Variants in KMT2E observed in about 807,000 individuals in gnomAD.
The protein encoded by KMT2E is lysine methyltransferase 2E (inactive).
KMT2E carries 30 observed loss-of-function variants against 184.6 expected under a neutral mutation model. The ratio of observed to expected loss-of-function variants is 0.16; its 90% confidence interval spans 0.12 to 0.22. The LOEUF (loss-of-function observed/expected upper bound fraction) is 0.22. Among genes scored for constraint, KMT2E ranks in the 10% least tolerant of loss-of-function variants. The probability of loss-of-function intolerance (pLI) is 1.00; values close to 1 mark genes in which losing one functional copy is unlikely to be tolerated. For missense variants in KMT2E, 2,023 were observed against 2,237.4 expected (o/e 0.90, Z 1.93); for synonymous variants, 815 against 776.5 (o/e 1.05, Z -0.82).
rs138718618 is a variant in KMT2E at position 105,075,990 on chromosome 7, T to A, written c.730-53T>A. On this transcript the variant is annotated intron_variant, in intron 8 of 26. Transcript: ENST00000311117. ...CAATGAACCAATTAATTCTTAAATATTAATTATGTCCAGTTTTTTAGGAAA... is the reference window on the plus strand; with the variant it reads ...CAATGAACCAATTAATTCTTAAATAATAATTATGTCCAGTTTTTTAGGAAA... The A allele has an allele frequency of 8.8e-6, 12 of 1,368,916 alleles. No homozygotes were observed. The Admixed American group carries it at 2.2e-4, about 25-fold the overall frequency. 84.8% of individuals were successfully genotyped at this position (1,368,916 alleles called of 1,614,324 possible). A position where few individuals can be genotyped will look rare whatever the true frequency, so the allele number is the denominator to read the frequency against.
At chr7:105,056,135 C>A (rs1562895944) in intron 3 of KMT2E, among the ~76,000 whole-genome samples, 1 of 152,100 alleles carries the variant, frequency 6.6e-6, no homozygotes, top group East Asian at 1.9e-4. Context: ...ATGTAGTCTC[C>A]AGGGGTCTCT....
At chr7:105,092,098 G>A (rs987094646) in intron 15 of KMT2E, among the ~76,000 whole-genome samples, 5 of 152,020 alleles carry the variant, frequency 3.3e-5, no homozygotes, top group African/African-American at 4.8e-5. Context: ...GGACTCTCAC[G>A]TCACATATTT....
At chr7:105,103,224 A>G (rs924499332) in intron 17 of KMT2E, 1 of 152,224 alleles carries the variant, frequency 6.6e-6, no homozygotes, top group Admixed American at 6.5e-5. Context: ...AACTTTTAAC[A>G]AAGTTGTGGT....
At position 105,063,754 on chromosome 7, in the gene KMT2E, T is replaced by C. The variant is rs544938222; in HGVS notation, c.416+174T>C. The C allele has an allele frequency of 8.8e-6, 5 of 569,028 alleles. No homozygotes were observed. The South Asian group carries it at 1.2e-4, about 13-fold the overall frequency. The allele number at this position is 569,028 out of a possible 1,614,324, so 35.2% of individuals were successfully genotyped here. ...CCTCCTATGTGAAAAAAGAGTTTAC[T>C]AGAAATCCCTGTTGTTAACTGAGTA... On this transcript the variant is annotated intron_variant, in intron 5 of 26. Coordinates refer to ENST00000311117, the MANE Select transcript of KMT2E (RefSeq NM_182931.3).
At chr7:105,079,089 C>T (rs1444659173) in intron 12 of KMT2E, 126 bp downstream of exon 12, 19 of 544,344 alleles carry the variant, frequency 3.5e-5, no homozygotes, top group African/African-American at 5.8e-5. Context: ...TTTATACTGC[C>T]CAGCCTGTTT....
At chr7:105,059,408 A>G (rs1472026321) in intron 3 of KMT2E, among the ~76,000 whole-genome samples, 1 of 152,232 alleles carries the variant, frequency 6.6e-6, no homozygotes, top group Non-Finnish European at 1.5e-5. Context: ...GAATTTAAAA[A>G]GTGTCACTGT....
intron 25 of KMT2E, 30 bp downstream of exon 25, chr7:105,110,632 T>A (rs759489182): frequency 6.2e-7 from 1 of 1,613,354 alleles, no homozygotes; most frequent in East Asian, 2.2e-5. Context: ...ATAATGTTAT[T>A]CTTAACAAAT....
chr7:105,081,853 C>A, intron 13 of KMT2E, 56 bp downstream of exon 13: 2 of 731,504 alleles, frequency 2.7e-6, no homozygotes, highest in South Asian at 1.8e-5. Context: ...CATAATGTCC[C>A]TGTAATAATT....
intron 22 of KMT2E, among the ~76,000 whole-genome samples, chr7:105,108,132 A>G (rs1463685796): frequency 6.6e-6 from 1 of 152,170 alleles, no homozygotes. Context: ...AATATGGGAA[A>G]TCCTTGTAAG....
intron 6 of KMT2E, among the ~76,000 whole-genome samples, chr7:105,071,610 T>TATATATATA (rs1797319913): frequency 2.6e-5 from 1 of 37,918 alleles, no homozygotes; most frequent in Non-Finnish European, 4.5e-5. Flanking sequence ...ATATATATAT[T>TATATATATA]TTTTTTTTTT....
At chr7:105,020,826 T>C (rs1191266559) in intron 1 of KMT2E, among the ~76,000 whole-genome samples, 7 of 152,192 alleles carry the variant, frequency 4.6e-5, no homozygotes, top group Admixed American at 4.6e-4. Flanking sequence ...GTCAGTGGTT[T>C]TTAGTAAAAA....
At chr7:105,023,447 T>G (rs1348516029) in intron 1 of KMT2E, among the ~76,000 whole-genome samples, 1 of 102,158 alleles carries the variant, frequency 9.8e-6, no homozygotes, top group African/African-American at 5.6e-5. Context: ...CATTAAGCAA[T>G]TTTTTTTTTT....
rs374827822 is a variant in KMT2E, at chr7:105,077,447, T to C, written c.1130+14T>C. On this transcript the variant is annotated intron_variant, in intron 11 of 26. Transcript: ENST00000311117. The stretch of plus-strand genomic sequence containing the variant: ...TTTCTTTAAAAGGTATATTCATTTA[T>C]TTTCCCATGTTCATTTTCTGTAGGT... The C allele has an allele frequency of 1.5e-5, 24 of 1,585,572 alleles. No homozygotes were observed. The African/African-American group carries it at 2.8e-4, about 19-fold the overall frequency.
chr7:105,045,338 T>C (rs1796059900), intron 3 of KMT2E, among the ~76,000 whole-genome samples: 1 of 152,236 alleles, frequency 6.6e-6, no homozygotes, highest in Non-Finnish European at 1.5e-5. Context: ...TAACCATTTT[T>C]AAGTGAACAA....
chr7:105,074,378 C>T (rs1246846805), intron 7 of KMT2E, among the ~76,000 whole-genome samples: 1 of 152,066 alleles, frequency 6.6e-6, no homozygotes, highest in Non-Finnish European at 1.5e-5. Flanking sequence ...TTTCAAATTT[C>T]CACTCGTAGT....
At chr7:105,104,026 C>T (rs1363930524) in intron 17 of KMT2E, 1 of 151,754 alleles carries the variant, frequency 6.6e-6, no homozygotes, top group African/African-American at 2.4e-5. Flanking sequence ...CAGGTTTCAC[C>T]ATGTTGGCCA....
intron 3 of KMT2E, among the ~76,000 whole-genome samples, chr7:105,059,279 G>C (rs1378003993): frequency 6.6e-6 from 1 of 152,112 alleles, no homozygotes; most frequent in Non-Finnish European, 1.5e-5. Flanking sequence ...TGCAGAGTTT[G>C]ATCTAAATTT....
At chr7:105,087,415 C>G (rs1195296980) in intron 13 of KMT2E, among the ~76,000 whole-genome samples, 1 of 148,622 alleles carries the variant, frequency 6.7e-6, no homozygotes, top group Non-Finnish European at 1.5e-5. Context: ...ATGCAGAGGT[C>G]TTTTTCTTTT....
In KMT2E at chr7:105,113,419, T is replaced by G; in HGVS notation, c.*86T>G. 1 of 1,380,770 alleles carries G rather than the reference T, an allele frequency of 7.2e-7. No individual in the cohort carries two copies. Among genetic ancestry groups the G allele is most frequent in the Non-Finnish European group, 9.7e-7 (1 of 1,035,686 alleles). 85.5% of individuals were successfully genotyped at this position (1,380,770 alleles called of 1,614,324 possible). On this transcript the variant is annotated 3_prime_UTR_variant, in exon 27 of 27. Coordinates refer to ENST00000311117, the MANE Select transcript of KMT2E (RefSeq NM_182931.3). ...ACCTGTTAAGGTACTTTTTAAAGCT[T>G]GTACATGAACCTTTGTATAAAAAAC...
Sources: allele counts gnomAD v4.1 joint callset (sites outside exome capture counted in the v4.1 genomes callset), GRCh38; gene constraint gnomAD v4.1.1; transcripts MANE v1.5; gene names NCBI Gene and HGNC (gene_info 2026-07-23, HGNC 2026-07-21).